NDUFV2: variants seen among roughly 807,000 people sequenced by gnomAD.
NDUFV2 encodes the protein NADH dehydrogenase [ubiquinone] flavoprotein 2, mitochondrial.
Under a neutral mutation model 31.6 loss-of-function variants are expected in NDUFV2, and 18 were observed. The ratio of observed to expected loss-of-function variants is 0.57; its 90% CI spans 0.39 to 0.84. The LOEUF is 0.84. NDUFV2 is among the 40% of genes least tolerant of loss of function. The pLI is 0.00. For synonymous variants in NDUFV2, 83 were observed against 99.8 expected, an observed-to-expected ratio of 0.83 and a Z score of 1.01; for missense variants, 314 against 303.6, an observed-to-expected ratio of 1.03 and a Z score of -0.26.
At chr18:9,126,625 C>T in intron 6 of NDUFV2, 1 of 527,216 alleles carries the variant, frequency 1.9e-6, no homozygotes, top group South Asian at 2.2e-5. Context: ...TAGGGATTTA[C>T]AGATTTCAGC....
chr18:9,112,081 C>T (rs1020348250), intron 1 of NDUFV2, among the ~76,000 whole-genome samples: 9 of 144,654 alleles, frequency 6.2e-5, no homozygotes, highest in South Asian at 2.2e-4. Flanking sequence ...TGCAGTGGCT[C>T]GATCTCAGCT....
chr18:9,124,916 T>C lies in NDUFV2; in HGVS notation c.512T>C (p.Leu171Pro), dbSNP rs2077975503. The C allele has an allele frequency of 6.2e-7, 1 of 1,613,234 alleles. No individual in the cohort carries two copies. The highest frequency in any genetic ancestry group is 8.5e-7 in the Non-Finnish European group (1 of 1,179,488). ...ACTACACCTGACAAACTTTTCACTC[T>C]TATAGAAGTGGAATGTTTAGGGGCC... ...GETTPDKLFT[L>P]IEVECLGACV... Residue 171 changes from leucine (L) to proline (P), a missense_variant, in exon 6 of 8, where the codon CTT becomes CCT. Leu to Pro is a moderately conservative substitution (Grantham distance 98). Transcript: ENST00000318388.
intron 1 of NDUFV2, among the ~76,000 whole-genome samples, chr18:9,108,749 G>C (rs1019427384): frequency 1.3e-5 from 2 of 148,346 alleles, no homozygotes; most frequent in African/African-American, 5.0e-5. Flanking sequence ...GGAGTTCAGT[G>C]GCGTGATTTT....
At chr18:9,126,708 G>A in intron 6 of NDUFV2, 123 bp from the exon 7 acceptor site, 1 of 816,002 alleles carries the variant, frequency 1.2e-6, no homozygotes, top group African/African-American at 1.7e-5. Context: ...GCTGAGGTAG[G>A]AGGATTGCTT....
chr18:9,112,239 G>A (rs1030549072), intron 1 of NDUFV2, among the ~76,000 whole-genome samples: 17 of 151,892 alleles, frequency 1.1e-4, no homozygotes, highest in Non-Finnish European at 2.2e-4. Flanking sequence ...GGCTGATCTC[G>A]AACTCCTGAC....
intron 6 of NDUFV2, 140 bp downstream of exon 6, chr18:9,125,123 A>T (rs993842890): frequency 5.3e-6 from 5 of 949,474 alleles, no homozygotes; most frequent in Non-Finnish European, 7.6e-6. Context: ...TCCAGGTTTT[A>T]AAAAATTCTT....
At chr18:9,133,319 A>C (rs1262237919) in intron 7 of NDUFV2, 2 of 152,360 alleles carry the variant, frequency 1.3e-5, no homozygotes, top group African/African-American at 4.8e-5. Context: ...ATAGTGGTGG[A>C]GGGGTGACAT....
At chr18:9,125,290 T>TATC (rs150890429) in intron 6 of NDUFV2, among the ~76,000 whole-genome samples, 13 of 152,050 alleles carry the variant, frequency 8.5e-5, no homozygotes, top group African/African-American at 1.4e-4. Context: ...CTTCAGATAC[T>TATC]ATCATCATCA....
At chr18:9,108,869 T>A (rs1424906526) in intron 1 of NDUFV2, among the ~76,000 whole-genome samples, 2 of 152,042 alleles carry the variant, frequency 1.3e-5, no homozygotes, top group African/African-American at 4.8e-5. Context: ...TTTTGTACTT[T>A]TAGTAGAGAT....
At chr18:9,114,511 G>A (rs376927577) in intron 1 of NDUFV2, among the ~76,000 whole-genome samples, 2 of 146,460 alleles carry the variant, frequency 1.4e-5, no homozygotes, top group East Asian at 2.0e-4. Context: ...AGGTGATAAT[G>A]CTTTACAGGT....
In NDUFV2 at chr18:9,124,854, G is replaced by T; in HGVS notation, c.470-20G>T. ...ATTAAAATATAACCTGGTCCTTAGA[G>T]TGTTTATTTGTATTTTTAGGAATAA... is the stretch of plus-strand genomic sequence containing the variant. On this transcript the variant is annotated intron_variant, in intron 5 of 7. Transcript: ENST00000318388. The T allele has an allele frequency of 6.2e-7, 1 of 1,602,450 alleles. No homozygotes were observed. Among genetic ancestry groups the T allele is most frequent in the Non-Finnish European group, 8.5e-7 (1 of 1,173,026 alleles).
rs143576401 is a variant in NDUFV2, at chr18:9,124,950, C to T, written c.546C>T (p.Asn182=). 2.2e-4 allele frequency: 347 copies of T among 1,613,448 alleles called. 1 individual carries two copies. The African/African-American group carries it at 2.5e-3, about 12-fold the overall frequency. Residue 182 remains asparagine, a synonymous_variant, in exon 6 of 8, where the codon AAC becomes AAT. Coordinates refer to ENST00000318388, the MANE Select transcript of NDUFV2 (RefSeq NM_021074.5). The stretch of plus-strand genomic sequence containing the variant: ...TGGAATGTTTAGGGGCCTGTGTGAA[C>T]GCACCAATGGTTCAAATAAATGACA... ...IEVECLGACV[N]APMVQINDNY... is the part of the protein sequence containing the mutation.
chr18:9,116,644 GTTAA>G (rs1469994596), intron 1 of NDUFV2, among the ~76,000 whole-genome samples: 2 of 152,078 alleles, frequency 1.3e-5, no homozygotes, highest in Non-Finnish European at 2.9e-5. Context: ...GTCTTTTCTT[GTTAA>G]TTAAAGCAGA....
intron 1 of NDUFV2, among the ~76,000 whole-genome samples, chr18:9,108,942 C>T (rs1351462887): frequency 1.3e-5 from 2 of 152,110 alleles, no homozygotes; most frequent in South Asian, 2.1e-4. Flanking sequence ...CCACCTGCCT[C>T]GGCTCTCAAA....
chr18:9,111,464 T>A (rs1392393631), intron 1 of NDUFV2, among the ~76,000 whole-genome samples: 1 of 151,734 alleles, frequency 6.6e-6, no homozygotes, highest in East Asian at 1.9e-4. Context: ...AGTCTCACTC[T>A]GTTGCCCAGG....
Position 9,122,499 on chromosome 18 carries a change from T to C in NDUFV2, c.301-14T>C. On this transcript the variant is annotated splice_polypyrimidine_tract_variant and intron_variant, in intron 4 of 7. Transcript: ENST00000318388. The stretch of plus-strand genomic sequence containing the variant: ...ACTGTAATTATCTTATTTTTAAATG[T>C]CCTAATATTTTAGGTTGCAGAAGTT... The C allele has an allele frequency of 6.3e-7, 1 of 1,591,698 alleles. No homozygotes were observed. Among genetic ancestry groups the C allele is most frequent in the Non-Finnish European group, 8.6e-7 (1 of 1,160,262 alleles).
chr18:9,109,375 G>C (rs558618701), intron 1 of NDUFV2, among the ~76,000 whole-genome samples: 1 of 152,310 alleles, frequency 6.6e-6, no homozygotes, highest in Admixed American at 6.5e-5. Flanking sequence ...GCTTCTGTCA[G>C]TTTTGTCTTA....
intron 4 of NDUFV2, among the ~76,000 whole-genome samples, chr18:9,120,661 ACTATAACACTGGTTTTTCC>A (rs1257970568): frequency 2.9e-5 from 2 of 68,862 alleles, no homozygotes; most frequent in Admixed American, 2.8e-4. Context: ...ATTGTATAGT[ACTATAACACTGGTTTTTCC>A]CTATGAAAAA....
chr18:9,104,273 T>C (rs755384233), intron 1 of NDUFV2: 3 of 1,612,352 alleles, frequency 1.9e-6, no homozygotes, highest in East Asian at 2.2e-5. Flanking sequence ...GGGCCAGATA[T>C]TGGAGCTCCT....
Sources: gnomAD v4.1 joint callset for allele counts (sites outside exome capture counted in the v4.1 genomes callset) on GRCh38, gnomAD v4.1.1 for gene constraint, MANE v1.5 for transcripts, NCBI Gene and HGNC (gene_info 2026-07-23, HGNC 2026-07-21) for gene names.